ARHGEF28: variants seen among roughly 807,000 people sequenced by gnomAD.
ARHGEF28 encodes the protein 190 kDa guanine nucleotide exchange factor.
A neutral mutation model predicts 206.6 loss-of-function variants in ARHGEF28; 152 were observed. The observed-to-expected ratio is 0.74, with a 90% CI of 0.64 to 0.84. ARHGEF28 has a LOEUF of 0.84. ARHGEF28 is among the 40% of genes least tolerant of loss of function. The pLI is 0.00. For missense variants in ARHGEF28, 2,028 were observed against 2,073.2 expected (o/e 0.98, Z 0.42); for synonymous variants, 763 against 776.4 (o/e 0.98, Z 0.29).
At chr5:73,900,843 C>A in intron 30 of ARHGEF28, 1 of 188,710 alleles carries the variant, frequency 5.3e-6, no homozygotes, top group Non-Finnish European at 1.1e-5. Flanking sequence ...TCACCCTTCC[C>A]AGGAGGCATT....
chr5:73,895,195 A>G lies in ARHGEF28; in HGVS notation c.3841+620A>G, dbSNP rs540824386. Among the ~76,000 whole-genome samples the G allele has an allele frequency of 2.0e-5, 3 of 152,236 alleles. No individual in the cohort carries two copies. The East Asian group carries it at 5.8e-4, about 29-fold the overall frequency. On this transcript the variant is annotated intron_variant, in intron 29 of 35. Transcript: ENST00000513042. ...AAGGTACCTCCTGACTGCTGTGTGGAGAATAGACTTAAGAGGGTGAAGTGC... is the reference window on the plus strand; with the variant it reads ...AAGGTACCTCCTGACTGCTGTGTGGGGAATAGACTTAAGAGGGTGAAGTGC...
chr5:73,648,130 G>T (rs1380290648), intron 1 of ARHGEF28, among the ~76,000 whole-genome samples: 2 of 152,166 alleles, frequency 1.3e-5, no homozygotes, highest in Non-Finnish European at 2.9e-5. Flanking sequence ...TTCTTGGGGG[G>T]ATGGATTTAC....
At chr5:73,735,537 C>A (rs1283324611) in intron 2 of ARHGEF28, among the ~76,000 whole-genome samples, 1 of 152,094 alleles carries the variant, frequency 6.6e-6, no homozygotes, top group Non-Finnish European at 1.5e-5. Context: ...TTTCTAATCT[C>A]TAGGTTATTT....
At chr5:73,853,752 T>G (rs996037798) in intron 14 of ARHGEF28, among the ~76,000 whole-genome samples, 3 of 152,214 alleles carry the variant, frequency 2.0e-5, no homozygotes, top group Non-Finnish European at 4.4e-5. Flanking sequence ...ATTATCTCAT[T>G]TAAGCAATTT....
chr5:73,811,834 T>C (rs1190903978), intron 9 of ARHGEF28, among the ~76,000 whole-genome samples: 1 of 151,896 alleles, frequency 6.6e-6, no homozygotes, highest in African/African-American at 2.4e-5. Context: ...AATACAAAAA[T>C]TAGCCGGGTG....
At chr5:73,671,901 G>T (rs943284560) in intron 1 of ARHGEF28, among the ~76,000 whole-genome samples, 2 of 150,918 alleles carry the variant, frequency 1.3e-5, no homozygotes, top group Non-Finnish European at 3.0e-5. Context: ...GATTACAGGC[G>T]TCTGCCACCA....
chr5:73,678,239 T>C (rs1405036596), intron 1 of ARHGEF28, among the ~76,000 whole-genome samples: 2 of 152,232 alleles, frequency 1.3e-5, no homozygotes, highest in Non-Finnish European at 2.9e-5. Context: ...TATGAAATTC[T>C]ATAGGGCTTT....
intron 12 of ARHGEF28, 60 bp downstream of exon 12, chr5:73,846,535 T>C: frequency 6.7e-7 from 1 of 1,495,020 alleles, no homozygotes; most frequent in South Asian, 1.2e-5. Flanking sequence ...TGTCTGCATT[T>C]ACCCATCTGT....
At chr5:73,861,122 A>G (rs1417404315) in intron 16 of ARHGEF28, among the ~76,000 whole-genome samples, 2 of 152,188 alleles carry the variant, frequency 1.3e-5, no homozygotes, top group Non-Finnish European at 1.5e-5. Context: ...AAAGAAACAA[A>G]GTTATTTTAG....
chr5:73,873,277 T>G, intron 22 of ARHGEF28, 31 bp downstream of exon 22: 1 of 1,575,988 alleles, frequency 6.3e-7, no homozygotes, highest in East Asian at 2.3e-5. Flanking sequence ...TTGACCTTTA[T>G]GACGTAAGTG....
At chr5:73,872,973 G>A (rs1760203205) in intron 21 of ARHGEF28, 26 bp from the exon 22 acceptor site, 1 of 1,608,070 alleles carries the variant, frequency 6.2e-7, no homozygotes, top group East Asian at 2.2e-5. Context: ...GCTTGTTTAA[G>A]GCTTATGTGT....
intron 31 of ARHGEF28, chr5:73,902,539 G>C (rs283622): frequency 6.6e-6 from 1 of 151,926 alleles, no homozygotes; most frequent in East Asian, 1.9e-4. Flanking sequence ...CATTTTGAAA[G>C]ATTAATACAT....
chr5:73,839,314 A>T (rs901058571), intron 10 of ARHGEF28, among the ~76,000 whole-genome samples: 2 of 152,172 alleles, frequency 1.3e-5, no homozygotes, highest in African/African-American at 4.8e-5. Flanking sequence ...TGCTCATTAG[A>T]CTTTCACCCA....
rs77624971 is a variant in ARHGEF28 at position 73,866,594 on chromosome 5, G to A, written c.2152+581G>A. On this transcript the variant is annotated intron_variant, in intron 18 of 35. Transcript: ENST00000513042. Reference sequence around the variant, plus strand: ...TCTCATTAGCTCCTTTAGAATGACCGTGAAATTTCAAGGCATACTGGAGTT... The same window carrying A: ...TCTCATTAGCTCCTTTAGAATGACCATGAAATTTCAAGGCATACTGGAGTT... Among the ~76,000 whole-genome samples the A allele has an allele frequency of 5.4e-4, 82 of 152,228 alleles. No individual in the cohort carries two copies. In the East Asian group the frequency reaches 9.5e-3, roughly 18 times the overall value.
intron 9 of ARHGEF28, among the ~76,000 whole-genome samples, chr5:73,811,659 T>C (rs1390861223): frequency 6.6e-6 from 1 of 152,224 alleles, no homozygotes; most frequent in African/African-American, 2.4e-5. Flanking sequence ...TATACCCAGC[T>C]GGTTGAGAAT....
Position 73,747,601 on chromosome 5 carries a change from C to G in ARHGEF28, c.34-2236C>G, listed in dbSNP as rs1298149589. Among the ~76,000 whole-genome samples, 9 of 152,296 alleles carry G rather than the reference C, an allele frequency of 5.9e-5. No homozygotes were observed. The South Asian group carries it at 1.7e-3, about 28-fold the overall frequency. ...TCCATTTCTGTCTAAGTGGGTCTCTCTGTTGGTTTCTGTATCACCCCCTTC... is the reference window on the plus strand; with the variant it reads ...TCCATTTCTGTCTAAGTGGGTCTCTGTGTTGGTTTCTGTATCACCCCCTTC... On this transcript the variant is annotated intron_variant, in intron 2 of 35. Transcript: ENST00000513042.
At chr5:73,936,774 C>A (rs1460175322) in intron 35 of ARHGEF28, among the ~76,000 whole-genome samples, 1 of 152,062 alleles carries the variant, frequency 6.6e-6, no homozygotes, top group African/African-American at 2.4e-5. Context: ...CACTATGTTG[C>A]CCAGGCTGGT....
At chr5:73,861,461 C>T (rs1759397119) in intron 16 of ARHGEF28, among the ~76,000 whole-genome samples, 1 of 152,102 alleles carries the variant, frequency 6.6e-6, no homozygotes, top group Non-Finnish European at 1.5e-5. Flanking sequence ...CTATGGGAGC[C>T]TTGCTCTGTT....
At chr5:73,901,060 A>G (rs964744180) in intron 30 of ARHGEF28, 124 bp from the exon 31 acceptor site, 6 of 712,254 alleles carry the variant, frequency 8.4e-6, no homozygotes, top group African/African-American at 7.1e-5. Flanking sequence ...AGAATACTCA[A>G]TATGTATTAT....
Sources: gnomAD v4.1 joint callset for allele counts (sites outside exome capture counted in the v4.1 genomes callset) on GRCh38, gnomAD v4.1.1 for gene constraint, MANE v1.5 for transcripts, NCBI Gene and HGNC (gene_info 2026-07-23, HGNC 2026-07-21) for gene names.